The following AUTS2 variants were observed in gnomAD, a reference collection of about 807,000 sequenced individuals.
AUTS2 encodes autism susceptibility gene 2 protein.
Under a neutral mutation model 112.4 loss-of-function variants are expected in AUTS2, and 17 were observed. The ratio of observed to expected loss-of-function variants is 0.15; its 90% CI spans 0.10 to 0.23. AUTS2 has a LOEUF of 0.23. Ranked by LOEUF, AUTS2 falls within the 10% of genes least tolerant of loss-of-function variation. The pLI is 1.00. For synonymous variants in AUTS2, 751 were observed against 702.7 expected, an observed-to-expected ratio of 1.07 and a Z score of -1.09; for missense variants, 1,510 against 1,701.6, an observed-to-expected ratio of 0.89 and a Z score of 1.98.
intron 6 of AUTS2, among the ~76,000 whole-genome samples, chr7:70,740,949 C>T (rs1235186790): frequency 1.3e-5 from 2 of 151,826 alleles, no homozygotes; most frequent in East Asian, 1.9e-4. Context: ...CAAAAATTAG[C>T]CGGGCATGGT....
At chr7:69,671,492 T>TG (rs1796324264) in intron 1 of AUTS2, among the ~76,000 whole-genome samples, 2 of 111,772 alleles carry the variant, frequency 1.8e-5, no homozygotes, top group Admixed American at 8.3e-5. Flanking sequence ...TGCTGGTGTG[T>TG]GTGTGTGTGT....
At chr7:70,580,581 C>T (rs1396309644) in intron 5 of AUTS2, among the ~76,000 whole-genome samples, 1 of 152,224 alleles carries the variant, frequency 6.6e-6, no homozygotes, top group Non-Finnish European at 1.5e-5. Context: ...ATGAGGGCTG[C>T]AGCTGCAGGT....
intron 1 of AUTS2, among the ~76,000 whole-genome samples, chr7:69,812,048 G>A (rs1450743575): frequency 2.0e-5 from 3 of 152,154 alleles, no homozygotes; most frequent in African/African-American, 7.2e-5. Flanking sequence ...CATAGGAAGG[G>A]AGTTTTCCAA....
intron 5 of AUTS2, among the ~76,000 whole-genome samples, chr7:70,575,018 G>A (rs963890579): frequency 6.6e-6 from 1 of 152,286 alleles, no homozygotes; most frequent in East Asian, 1.9e-4. Flanking sequence ...GGCCCCTGCC[G>A]CTTTAAGTGG....
At chr7:69,746,848 G>C (rs1466012674) in intron 1 of AUTS2, among the ~76,000 whole-genome samples, 2 of 152,046 alleles carry the variant, frequency 1.3e-5, no homozygotes, top group South Asian at 2.1e-4. Context: ...TGGAGTTTGT[G>C]GGGGGAAACT....
At chr7:69,603,096 G>C (rs1051808541) in intron 1 of AUTS2, among the ~76,000 whole-genome samples, 1 of 152,114 alleles carries the variant, frequency 6.6e-6, no homozygotes, top group Non-Finnish European at 1.5e-5. Context: ...GTATGTTTTC[G>C]GGCCTTGTGT....
intron 1 of AUTS2, among the ~76,000 whole-genome samples, chr7:69,764,504 G>T (rs1017297927): frequency 3.3e-5 from 5 of 151,888 alleles, no homozygotes; most frequent in Admixed American, 1.3e-4. Flanking sequence ...AGTTCTTAGA[G>T]ACAACTGGGA....
intron 2 of AUTS2, among the ~76,000 whole-genome samples, chr7:70,098,848 G>T (rs1323610800): frequency 6.6e-6 from 1 of 151,732 alleles, no homozygotes; most frequent in Admixed American, 6.6e-5. Flanking sequence ...GATTACAAGC[G>T]TGCGCCATCA....
chr7:69,969,434 T>C (rs1259558122), intron 2 of AUTS2, among the ~76,000 whole-genome samples: 1 of 152,190 alleles, frequency 6.6e-6, no homozygotes, highest in Non-Finnish European at 1.5e-5. Flanking sequence ...TCGTCTTGAT[T>C]TTATGAGGAT....
At chr7:70,073,275 C>G (rs1274132532) in intron 2 of AUTS2, among the ~76,000 whole-genome samples, 1 of 151,834 alleles carries the variant, frequency 6.6e-6, no homozygotes, top group African/African-American at 2.4e-5. Flanking sequence ...CTTTGGGAAG[C>G]CGAGGTGGGC....
chr7:70,789,211 C>CT (rs1185624211), intron 18 of AUTS2, among the ~76,000 whole-genome samples: 1 of 152,178 alleles, frequency 6.6e-6, no homozygotes, highest in Non-Finnish European at 1.5e-5. Context: ...TATCCACGTT[C>CT]TTTGCTCTGA....
chr7:70,358,391 C>T (rs2129625595), intron 4 of AUTS2, among the ~76,000 whole-genome samples: 1 of 152,370 alleles, frequency 6.6e-6, no homozygotes, highest in South Asian at 2.1e-4. Context: ...CTTCTCTTCA[C>T]TTCTCTTTCC....
At chr7:70,477,656 A>G (rs1381229372) in intron 5 of AUTS2, among the ~76,000 whole-genome samples, 2 of 152,194 alleles carry the variant, frequency 1.3e-5, no homozygotes, top group Admixed American at 6.5e-5. Flanking sequence ...CCCTGAGATG[A>G]GCCTATTTAT....
At chr7:69,823,726 G>A (rs894238172) in intron 1 of AUTS2, among the ~76,000 whole-genome samples, 1 of 151,962 alleles carries the variant, frequency 6.6e-6, no homozygotes, top group Non-Finnish European at 1.5e-5. Flanking sequence ...GCACATAAAA[G>A]GAAGCACTTA....
At chr7:69,680,977 A>G (rs997456516) in intron 1 of AUTS2, among the ~76,000 whole-genome samples, 1 of 152,186 alleles carries the variant, frequency 6.6e-6, no homozygotes, top group Admixed American at 6.5e-5. Flanking sequence ...GCTGAATTTG[A>G]GTATTTTAGA....
intron 2 of AUTS2, among the ~76,000 whole-genome samples, chr7:70,117,107 T>G (rs1368419023): frequency 9.3e-6 from 1 of 108,040 alleles, no homozygotes; most frequent in Non-Finnish European, 1.9e-5. Context: ...GACTTTTGTT[T>G]TTTTTTTTTG....
chr7:70,149,955 A>T (rs973183587), intron 4 of AUTS2, among the ~76,000 whole-genome samples: 1 of 152,082 alleles, frequency 6.6e-6, no homozygotes, highest in Non-Finnish European at 1.5e-5. Context: ...CCAGGAAACC[A>T]GTATATTTTT....
intron 1 of AUTS2, among the ~76,000 whole-genome samples, chr7:69,820,199 C>T (rs1790928667): frequency 6.6e-6 from 1 of 152,216 alleles, no homozygotes; most frequent in Non-Finnish European, 1.5e-5. Flanking sequence ...CTCCATCACA[C>T]TGGCATGTGG....
intron 2 of AUTS2, among the ~76,000 whole-genome samples, chr7:69,998,987 G>A (rs898383348): frequency 6.6e-6 from 1 of 152,290 alleles, no homozygotes; most frequent in South Asian, 2.1e-4. Context: ...AGGCTTTAGC[G>A]AGGAGGTCTG....
Sources: allele counts gnomAD v4.1 joint callset (sites outside exome capture counted in the v4.1 genomes callset), GRCh38; gene constraint gnomAD v4.1.1; transcripts MANE v1.5; gene names NCBI Gene and HGNC (gene_info 2026-07-23, HGNC 2026-07-21).